Variants in ZBTB20 observed in about 807,000 individuals in gnomAD.
The protein encoded by ZBTB20 is zinc finger and BTB domain-containing protein 20.
A neutral mutation model predicts 56.9 loss-of-function variants in ZBTB20; 9 were observed. That is an observed-to-expected ratio of 0.16 (90% CI 0.10 to 0.28). The LOEUF is 0.28. Ranked by LOEUF, ZBTB20 falls within the 10% of genes least tolerant of loss-of-function variation. The pLI is 1.00. For missense variants in ZBTB20, 655 were observed against 1,003.0 expected, an observed-to-expected ratio of 0.65 and a Z score of 4.69; for synonymous variants, 417 against 420.7, an observed-to-expected ratio of 0.99 and a Z score of 0.11.
intron 7 of ZBTB20, among the ~76,000 whole-genome samples, chr3:114,470,722 G>T (rs555883758): frequency 1.3e-5 from 2 of 152,080 alleles, no homozygotes; most frequent in Non-Finnish European, 2.9e-5. Context: ...ACCCAGATAT[G>T]ACTCCAACGG....
intron 4 of ZBTB20, among the ~76,000 whole-genome samples, chr3:114,811,885 T>TC (rs2072539936): frequency 6.6e-6 from 1 of 152,224 alleles, no homozygotes; most frequent in South Asian, 2.1e-4. Context: ...GTTCTTGGTC[T>TC]CACTGACTTC....
intron 7 of ZBTB20, among the ~76,000 whole-genome samples, chr3:114,483,993 A>G (rs529147597): frequency 3.9e-5 from 6 of 152,096 alleles, no homozygotes; most frequent in Admixed American, 3.9e-4. Context: ...CCATTTTCCA[A>G]AGCTGCTTAC....
At chr3:114,659,627 C>T (rs1290111927) in intron 6 of ZBTB20, among the ~76,000 whole-genome samples, 1 of 152,154 alleles carries the variant, frequency 6.6e-6, no homozygotes, top group East Asian at 1.9e-4. Flanking sequence ...TACTTGGTCC[C>T]TTGTTCTTTG....
At chr3:114,662,264 A>T (rs903413014) in intron 6 of ZBTB20, among the ~76,000 whole-genome samples, 1 of 151,862 alleles carries the variant, frequency 6.6e-6, no homozygotes, top group African/African-American at 2.4e-5. Context: ...ATAGTATTCC[A>T]TGGTGTATAT....
intron 7 of ZBTB20, among the ~76,000 whole-genome samples, chr3:114,411,553 C>T (rs2087947680): frequency 1.3e-5 from 2 of 152,252 alleles, no homozygotes; most frequent in Non-Finnish European, 1.5e-5. Context: ...ATTAGTCCTT[C>T]TCTTTCATAT....
chr3:114,610,667 T>C (rs1441985161), intron 6 of ZBTB20, among the ~76,000 whole-genome samples: 2 of 152,184 alleles, frequency 1.3e-5, no homozygotes, highest in African/African-American at 2.4e-5. Flanking sequence ...AAAAGGGTTG[T>C]CCCTATTCAA....
At chr3:115,145,866 A>G (rs565475167) in intron 1 of ZBTB20, among the ~76,000 whole-genome samples, 2 of 152,362 alleles carry the variant, frequency 1.3e-5, no homozygotes, top group East Asian at 1.9e-4. Flanking sequence ...AAAACTTTCA[A>G]TGGCAACAAG....
chr3:114,835,326 A>AT lies in ZBTB20; in HGVS notation c.-416-34153dup, dbSNP rs992967406. ...CCAGGAAGAGCTTTTATAGATTTGG[A>AT]TTTTTTTTTGTCATAAAGTATTCTA... On this transcript the variant is annotated intron_variant, in intron 4 of 11. Coordinates refer to ENST00000675478, the MANE Select transcript of ZBTB20 (RefSeq NM_001348800.3). 2.3e-3 allele frequency among the ~76,000 whole-genome samples: 343 copies of AT among 151,324 alleles called. 2 individuals carry two copies. Among genetic ancestry groups the AT allele is most frequent in the African/African-American group, 7.5e-3 (310 of 41,262 alleles).
At chr3:114,883,792 T>C (rs1326456957) in intron 4 of ZBTB20, among the ~76,000 whole-genome samples, 7 of 152,082 alleles carry the variant, frequency 4.6e-5, no homozygotes, top group Non-Finnish European at 7.4e-5. Flanking sequence ...AAGTCTGCAC[T>C]GTGGTATTTC....
chr3:114,945,698 C>A (rs942158512), intron 3 of ZBTB20, among the ~76,000 whole-genome samples: 4 of 144,924 alleles, frequency 2.8e-5, no homozygotes, highest in African/African-American at 8.4e-5. Flanking sequence ...CAAATATTAG[C>A]AAGTGCAGTT....
In ZBTB20 at chr3:114,435,235, TA is replaced by T. The variant is rs199798110; in HGVS notation, c.-254-46131del. 3.3e-3 allele frequency among the ~76,000 whole-genome samples: 486 copies of T among 146,746 alleles called. 3 individuals carry two copies. Among genetic ancestry groups the T allele is most frequent in the African/African-American group, 8.9e-3 (359 of 40,264 alleles). The stretch of plus-strand genomic sequence containing the variant: ...TTTTATTGGAAAATAATTAACTCTT[TA>T]AAAAAAAAAACTTGCACACCATAGC... On this transcript the variant is annotated intron_variant, in intron 7 of 11. Transcript: ENST00000675478.
chr3:114,894,905 A>G (rs1576255793), intron 4 of ZBTB20, among the ~76,000 whole-genome samples: 1 of 152,312 alleles, frequency 6.6e-6, no homozygotes, highest in East Asian at 1.9e-4. Flanking sequence ...GGTCGAAACT[A>G]TACATTTGAT....
intron 6 of ZBTB20, among the ~76,000 whole-genome samples, chr3:114,671,888 C>T (rs1276729101): frequency 1.3e-5 from 2 of 152,086 alleles, no homozygotes; most frequent in Admixed American, 6.6e-5. Flanking sequence ...TGAGTTTACA[C>T]AGAGTGTGGG....
chr3:114,932,240 A>C (rs879829306), intron 3 of ZBTB20, among the ~76,000 whole-genome samples: 1 of 152,200 alleles, frequency 6.6e-6, no homozygotes, highest in Non-Finnish European at 1.5e-5. Context: ...CAGCAAGCTG[A>C]AGGAGTGTTT....
chr3:114,832,470 A>G (rs934281780), intron 4 of ZBTB20, among the ~76,000 whole-genome samples: 11 of 152,114 alleles, frequency 7.2e-5, no homozygotes, highest in African/African-American at 2.4e-4. Flanking sequence ...AATTGTCTTC[A>G]AAGAATGTGG....
At chr3:114,835,921 A>G in intron 4 of ZBTB20, among the ~76,000 whole-genome samples, 1 of 152,200 alleles carries the variant, frequency 6.6e-6, no homozygotes, top group East Asian at 1.9e-4. Context: ...GTCTTAGGGA[A>G]CAAATGCACC....
Position 114,643,520 on chromosome 3 carries a change from G to A in ZBTB20, c.-295+50008C>T, listed in dbSNP as rs114993725. On this transcript the variant is annotated intron_variant, in intron 6 of 11. Coordinates refer to ENST00000675478, the MANE Select transcript of ZBTB20 (RefSeq NM_001348800.3). ...TCACCTGAATGCATTTTGGCAAAGA[G>A]TGAAGCAATAGTGGGAAAAGGATTG... Among the ~76,000 whole-genome samples the A allele has an allele frequency of 9.7e-3, 1,478 of 152,216 alleles. 24 individuals carry two copies. Among genetic ancestry groups the A allele is most frequent in the African/African-American group, 0.034 (1,398 of 41,560 alleles).
chr3:114,668,453 G>A (rs915121410), intron 6 of ZBTB20, among the ~76,000 whole-genome samples: 1 of 151,988 alleles, frequency 6.6e-6, no homozygotes, highest in African/African-American at 2.4e-5. Context: ...ATTAAGCAGA[G>A]CTTTGGTCCC....
chr3:114,533,460 G>C (rs1489048214), intron 6 of ZBTB20, among the ~76,000 whole-genome samples: 1 of 151,952 alleles, frequency 6.6e-6, no homozygotes, highest in Non-Finnish European at 1.5e-5. Flanking sequence ...GAAAAGGAAT[G>C]AACAAACCTC....
Sources: allele counts gnomAD v4.1 joint callset (sites outside exome capture counted in the v4.1 genomes callset), GRCh38; gene constraint gnomAD v4.1.1; transcripts MANE v1.5; gene names NCBI Gene and HGNC (gene_info 2026-07-23, HGNC 2026-07-21).